Variants in ANKLE2 observed in about 807,000 individuals in gnomAD.
The protein encoded by ANKLE2 is ankyrin repeat and LEM domain-containing protein 2.
Under a neutral mutation model 84.2 loss-of-function variants are expected in ANKLE2, and 55 were observed. The ratio of observed to expected loss-of-function variants is 0.65; its 90% CI spans 0.53 to 0.82. ANKLE2 has a LOEUF of 0.82. ANKLE2 is among the 40% of genes least tolerant of loss of function. The pLI is 0.00. For synonymous variants in ANKLE2, 551 were observed against 486.1 expected (o/e 1.13, Z -1.76); for missense variants, 1,238 against 1,201.9 (o/e 1.03, Z -0.44).
intron 11 of ANKLE2, among the ~76,000 whole-genome samples, chr12:132,728,567 A>G (rs2043758299): frequency 6.6e-6 from 1 of 152,214 alleles, no homozygotes. Context: ...CCAGCACACA[A>G]AACAACAGTG....
chr12:132,761,301 T>C (rs1182053217), intron 1 of ANKLE2: 4 of 235,670 alleles, frequency 1.7e-5, no homozygotes, highest in Non-Finnish European at 3.3e-5. Flanking sequence ...TCCCCAGGTC[T>C]CGAGAGACCG....
chr12:132,737,287 G>T, intron 7 of ANKLE2: 1 of 460,250 alleles, frequency 2.2e-6, no homozygotes, highest in Non-Finnish European at 3.8e-6. Context: ...CACTTAACCA[G>T]CCTCATTTTC....
At chr12:132,741,930 TAAAGA>T in intron 6 of ANKLE2, 1 of 433,848 alleles carries the variant, frequency 2.3e-6, no homozygotes, top group Non-Finnish European at 4.6e-6. Context: ...TTTTTGCCAC[TAAAGA>T]AATCAACTTT....
chr12:132,750,882 G>A, intron 2 of ANKLE2, 33 bp from the exon 3 acceptor site: 4 of 1,599,088 alleles, frequency 2.5e-6, no homozygotes, highest in Non-Finnish European at 3.4e-6. Flanking sequence ...GAAAATCAGA[G>A]AAGAGTGACT....
chr12:132,743,254 A>AGTTTGG lies in ANKLE2; in HGVS notation c.1252_1253insCCAAAC (p.Phe418delinsSerLysLeu). 6.2e-7 allele frequency: 1 copy of AGTTTGG among 1,611,560 alleles called. No individual in the cohort carries two copies. Among genetic ancestry groups the AGTTTGG allele is most frequent in the Admixed American group, 1.7e-5 (1 of 59,640 alleles). On this transcript the variant is annotated protein_altering_variant, in exon 6 of 13. Coordinates refer to ENST00000357997, the MANE Select transcript of ANKLE2 (RefSeq NM_015114.3). The surrounding 1 kb of genome is among the most constrained non-coding windows in gnomAD (Gnocchi z 4.1). ...ATCTGCATTTCCAAACTTACAAGCA[A>AGTTTGG]AATGCAACGGTGTGTCATAGCCCTG...
chr12:132,736,677 C>T (rs530652492), intron 8 of ANKLE2, among the ~76,000 whole-genome samples: 3 of 152,326 alleles, frequency 2.0e-5, no homozygotes, highest in South Asian at 2.1e-4. Context: ...CCCAGCACAT[C>T]GGCCCTGGTA....
intron 1 of ANKLE2, 54 bp from the exon 2 acceptor site, chr12:132,755,187 G>T: frequency 6.8e-7 from 1 of 1,462,916 alleles, no homozygotes; most frequent in Non-Finnish European, 9.2e-7. Flanking sequence ...ACCTGCTGAA[G>T]CTGGGTGATG....
intron 5 of ANKLE2, among the ~76,000 whole-genome samples, chr12:132,747,029 G>C (rs1319906752): frequency 6.6e-6 from 1 of 152,238 alleles, no homozygotes; most frequent in Non-Finnish European, 1.5e-5. Context: ...GTGCTGCCTT[G>C]CATGGGCCTG....
chr12:132,739,512 T>A (rs541570904), intron 7 of ANKLE2, among the ~76,000 whole-genome samples: 7 of 152,344 alleles, frequency 4.6e-5, no homozygotes, highest in African/African-American at 1.4e-4. Context: ...ATGGTAGGTA[T>A]ACGGTACAAT....
rs375156329 is a variant in ANKLE2, at chr12:132,733,118, T to C, written c.1891+1267A>G. 1.5e-4 allele frequency among the ~76,000 whole-genome samples: 18 copies of C among 123,720 alleles called. No individual in the cohort carries two copies. In the East Asian group the frequency reaches 1.5e-3, roughly 11 times the overall value. 81.2% of individuals were successfully genotyped at this position (123,720 alleles called of 152,430 possible). A position where few individuals can be genotyped will look rare whatever the true frequency, so the allele number is the denominator to read the frequency against. ...AAGCTCTCTGCGTCCTGGTGTCTGATATGCACCGTGTGAAGCACTGCGCGT... is the reference window on the plus strand; with the variant it reads ...AAGCTCTCTGCGTCCTGGTGTCTGACATGCACCGTGTGAAGCACTGCGCGT... On this transcript the variant is annotated intron_variant, in intron 10 of 12. Coordinates refer to ENST00000357997, the MANE Select transcript of ANKLE2 (RefSeq NM_015114.3).
rs1566023683 is a variant in ANKLE2 at position 132,742,215 on chromosome 12, ACACAC to A, written c.1354-735_1354-731del. 5.5e-4 allele frequency: 89 copies of A among 161,276 alleles called. 1 individual carries two copies. In the South Asian group the frequency reaches 0.011, roughly 20 times the overall value. 10.0% of individuals were successfully genotyped at this position (161,276 alleles called of 1,614,324 possible). A position where few individuals can be genotyped will look rare whatever the true frequency, so the allele number is the denominator to read the frequency against. Reference sequence around the variant, plus strand: ...CACACACACACACACACACACACACACACACAAAAAGAATCACATGTATGCAAAAT... The same window carrying A: ...CACACACACACACACACACACACACAAAAAAGAATCACATGTATGCAAAAT... On this transcript the variant is annotated intron_variant, in intron 6 of 12. Transcript: ENST00000357997.
chr12:132,728,852 C>A (rs1177078616), intron 11 of ANKLE2, among the ~76,000 whole-genome samples: 2 of 151,328 alleles, frequency 1.3e-5, no homozygotes, highest in Admixed American at 6.6e-5. Flanking sequence ...GACATTTATC[C>A]CCTGTTAGAT....
intron 7 of ANKLE2, chr12:132,737,299 T>C (rs969395766): frequency 3.8e-5 from 17 of 443,364 alleles, no homozygotes; most frequent in African/African-American, 3.3e-4. Flanking sequence ...CTCATTTTCC[T>C]CCACTGCTAC....
chr12:132,729,138 G>C (rs2043770990), intron 11 of ANKLE2, among the ~76,000 whole-genome samples: 1 of 151,460 alleles, frequency 6.6e-6, no homozygotes, highest in Non-Finnish European at 1.5e-5. Flanking sequence ...GGATCACGAG[G>C]TCAGGAGTTC....
intron 3 of ANKLE2, among the ~76,000 whole-genome samples, chr12:132,749,575 T>A (rs972930379): frequency 6.6e-6 from 1 of 152,244 alleles, no homozygotes; most frequent in Admixed American, 6.5e-5. Context: ...TAAGGCTGAC[T>A]GAGGGCAGGC....
intron 11 of ANKLE2, 81 bp from the exon 12 acceptor site, chr12:132,728,244 T>G (rs896665506): frequency 2.0e-6 from 3 of 1,535,720 alleles, no homozygotes; most frequent in Non-Finnish European, 2.7e-6. Flanking sequence ...TTTTTTTTTA[T>G]TTTGAGACGG....
intron 10 of ANKLE2, 170 bp downstream of exon 10, chr12:132,734,215 A>G (rs1384537317): frequency 3.3e-5 from 24 of 736,092 alleles, no homozygotes; most frequent in South Asian, 1.8e-4. Context: ...ACTGCACTCC[A>G]GCTTGGGTAA....
chr12:132,733,711 C>T (rs532347078), intron 10 of ANKLE2, among the ~76,000 whole-genome samples: 2 of 152,206 alleles, frequency 1.3e-5, no homozygotes, highest in East Asian at 1.9e-4. Flanking sequence ...AAGCGCTCTG[C>T]GTCCTGGTGT....
intron 7 of ANKLE2, among the ~76,000 whole-genome samples, chr12:132,739,482 G>A (rs1025652355): frequency 6.6e-6 from 1 of 152,170 alleles, no homozygotes; most frequent in Non-Finnish European, 1.5e-5. Flanking sequence ...AAGACATACA[G>A]TATGTACAGT....
Sources: gnomAD v4.1 joint callset for allele counts (sites outside exome capture counted in the v4.1 genomes callset) on GRCh38, gnomAD v4.1.1 for gene constraint, Gnocchi (gnomAD v3.1) non-coding constraint, MANE v1.5 for transcripts, NCBI Gene and HGNC (gene_info 2026-07-23, HGNC 2026-07-21) for gene names.